The following ERC1 variants were observed in gnomAD, a reference collection of about 807,000 sequenced individuals.
ERC1 encodes the protein ELKS/RAB6-interacting/CAST family member 1.
Under a neutral mutation model 132.0 loss-of-function variants are expected in ERC1, and 56 were observed. That is an observed-to-expected ratio of 0.42 (90% CI 0.34 to 0.53). The LOEUF is 0.53. ERC1 is among the 20% of genes least tolerant of loss of function. The pLI is 0.03. For missense variants in ERC1, 1,202 were observed against 1,349.9 expected, an observed-to-expected ratio of 0.89 and a Z score of 1.72; for synonymous variants, 478 against 476.1, an observed-to-expected ratio of 1.00 and a Z score of -0.05.
intron 18 of ERC1, among the ~76,000 whole-genome samples, chr12:1,446,943 C>A (rs372932356): frequency 2.8e-4 from 43 of 151,712 alleles, no homozygotes; most frequent in African/African-American, 9.9e-4. Flanking sequence ...TTGCTTGAGC[C>A]CAGGAGTTCA....
chr12:1,349,818 C>G (rs2084841625), intron 15 of ERC1, among the ~76,000 whole-genome samples: 1 of 152,124 alleles, frequency 6.6e-6, no homozygotes, highest in Non-Finnish European at 1.5e-5. Context: ...AACACATAAC[C>G]TTTACAACTG....
At chr12:1,335,472 A>G (rs1213475684) in intron 15 of ERC1, among the ~76,000 whole-genome samples, 1 of 152,176 alleles carries the variant, frequency 6.6e-6, no homozygotes, top group Non-Finnish European at 1.5e-5. Context: ...CCCTTTCTGC[A>G]TCTGTTGTGA....
At chr12:1,002,607 C>G (rs1962616765) in intron 1 of ERC1, among the ~76,000 whole-genome samples, 1 of 152,126 alleles carries the variant, frequency 6.6e-6, no homozygotes, top group Admixed American at 6.6e-5. Flanking sequence ...AACAGTATTC[C>G]TTCTTTGTGG....
At chr12:1,012,136 A>T (rs1373003846) in intron 1 of ERC1, among the ~76,000 whole-genome samples, 1 of 152,194 alleles carries the variant, frequency 6.6e-6, no homozygotes, top group Non-Finnish European at 1.5e-5. Flanking sequence ...GGATCATTTG[A>T]GTAGATTGGT....
rs755992278 is a variant in ERC1, at chr12:991,250, CGGCGGCGGCGGTAGT to C, written c.-217_-203del. The C allele has an allele frequency of 1.2e-5, 2 of 165,844 alleles. No individual in the cohort carries two copies. The highest frequency in any genetic ancestry group is 1.7e-4 in the South Asian group (1 of 6,002). The allele number at this position is 165,844 out of a possible 1,614,324, so 10.3% of individuals were successfully genotyped here. On this transcript the variant is annotated 5_prime_UTR_variant, in exon 1 of 19. Coordinates refer to ENST00000360905, the MANE Select transcript of ERC1 (RefSeq NM_178040.4). ...GGGCGCCTGGGCCGTGCTGTGGCGG[CGGCGGCGGCGGTAGT>C]GGCGGCGGCGGCGGTGCCTGGGCGG...
rs1007002426 is a variant in ERC1, at chr12:1,234,629, G to A, written c.2352-2140G>A. On this transcript the variant is annotated intron_variant, in intron 12 of 18. Transcript: ENST00000360905. Reference sequence around the variant, plus strand: ...GAAATTTCTATGAGAAGCGTAAAGCGCCAAGAACAGCCAAGAGAGTTTTGA... The same window carrying A: ...GAAATTTCTATGAGAAGCGTAAAGCACCAAGAACAGCCAAGAGAGTTTTGA... Among the ~76,000 whole-genome samples the A allele has an allele frequency of 3.9e-5, 6 of 152,142 alleles. No individual in the cohort carries two copies. The East Asian group carries it at 9.6e-4, about 24-fold the overall frequency.
intron 4 of ERC1, among the ~76,000 whole-genome samples, chr12:1,108,960 G>A (rs1266767203): frequency 6.6e-6 from 1 of 152,136 alleles, no homozygotes; most frequent in Non-Finnish European, 1.5e-5. Flanking sequence ...AGAAATTATT[G>A]AGGTAAAGTA....
chr12:1,050,022 C>T (rs1370821003), intron 2 of ERC1, among the ~76,000 whole-genome samples: 1 of 152,090 alleles, frequency 6.6e-6, no homozygotes, highest in Non-Finnish European at 1.5e-5. Flanking sequence ...GGATTACAGG[C>T]GTGAGCCACT....
At chr12:1,024,212 C>A (rs1338513599) in intron 1 of ERC1, among the ~76,000 whole-genome samples, 1 of 152,142 alleles carries the variant, frequency 6.6e-6, no homozygotes, top group African/African-American at 2.4e-5. Flanking sequence ...GAAACCCCAC[C>A]TCTACCAAAA....
Position 1,180,296 on chromosome 12 carries a change from TGC to T in ERC1, c.1738-235_1738-234del, listed in dbSNP as rs555552962. 5.4e-3 allele frequency among the ~76,000 whole-genome samples: 710 copies of T among 130,518 alleles called. 4 individuals are homozygous for T. The highest frequency in any genetic ancestry group is 0.03 in the African/African-American group (679 of 22,496). The allele number at this position is 130,518 out of a possible 152,430, so 85.6% of individuals were successfully genotyped here. On this transcript the variant is annotated intron_variant, in intron 8 of 18. Transcript: ENST00000360905. ...GTGTGTGTGTGTGCGCGCACGCGTG[TGC>T]GCGCGCGCATACACATGTGTACTTT...
chr12:1,472,664 AAG>A (rs1310285260), intron 18 of ERC1, among the ~76,000 whole-genome samples: 1 of 151,500 alleles, frequency 6.6e-6, no homozygotes, highest in African/African-American at 2.4e-5. Context: ...GAAAAAAAAA[AAG>A]AGAAGAGAAA....
intron 2 of ERC1, among the ~76,000 whole-genome samples, chr12:1,029,752 T>G (rs1967640342): frequency 6.8e-6 from 1 of 148,128 alleles, no homozygotes; most frequent in South Asian, 2.2e-4. Flanking sequence ...TACTTTTTTT[T>G]TTTTTTTTTT....
chr12:1,440,407 C>A (rs376995672), intron 17 of ERC1, among the ~76,000 whole-genome samples: 1 of 150,452 alleles, frequency 6.6e-6, no homozygotes, highest in African/African-American at 2.5e-5. Context: ...GGGGTTTCAC[C>A]GTGTTAGCCA....
rs111567291 is a variant in ERC1 at position 1,349,485 on chromosome 12, T to C, written c.2781-22348T>C. 7.6e-4 allele frequency among the ~76,000 whole-genome samples: 116 copies of C among 152,044 alleles called. 2 individuals are homozygous for C. Among genetic ancestry groups the C allele is most frequent in the African/African-American group, 2.7e-3 (110 of 41,482 alleles). On this transcript the variant is annotated intron_variant, in intron 15 of 18. Coordinates refer to ENST00000360905, the MANE Select transcript of ERC1 (RefSeq NM_178040.4). ...AAGACCACCAGCCTGTCCAATATGG[T>C]GAAACCCTCTCTACTAAAAAATACA...
intron 8 of ERC1, among the ~76,000 whole-genome samples, chr12:1,163,098 T>C (rs1052921786): frequency 6.6e-6 from 1 of 152,212 alleles, no homozygotes; most frequent in East Asian, 1.9e-4. Flanking sequence ...CAACTTTTTT[T>C]CCCCTCCCTT....
chr12:1,009,283 T>C (rs2154137667), intron 1 of ERC1, among the ~76,000 whole-genome samples: 1 of 152,012 alleles, frequency 6.6e-6, no homozygotes, highest in Non-Finnish European at 1.5e-5. Flanking sequence ...CACGCCATTC[T>C]CCTGCCTCAG....
intron 17 of ERC1, among the ~76,000 whole-genome samples, chr12:1,421,934 G>C (rs143607643): frequency 0.014 from 2,180 of 152,270 alleles, 47 homozygotes; most frequent in African/African-American, 0.05. Context: ...GCTGAGGCAG[G>C]AGAATTGCTT....
intron 12 of ERC1, among the ~76,000 whole-genome samples, chr12:1,217,510 A>G (rs184883648): frequency 6.6e-6 from 1 of 152,276 alleles, no homozygotes; most frequent in East Asian, 1.9e-4. Context: ...GATTTAGGGC[A>G]TTGTGTAGCT....
At chr12:1,329,762 T>G (rs1487070268) in intron 15 of ERC1, among the ~76,000 whole-genome samples, 1 of 152,214 alleles carries the variant, frequency 6.6e-6, no homozygotes, top group Non-Finnish European at 1.5e-5. Context: ...ATTAGGGTTA[T>G]GTCAGAGGTG....
Sources: allele counts gnomAD v4.1 joint callset (sites outside exome capture counted in the v4.1 genomes callset), GRCh38; gene constraint gnomAD v4.1.1; transcripts MANE v1.5; gene names NCBI Gene and HGNC (gene_info 2026-07-23, HGNC 2026-07-21).